Variants in INSR observed in about 807,000 individuals in gnomAD.
INSR encodes the protein insulin receptor.
A neutral mutation model predicts 142.6 loss-of-function variants in INSR; 67 were observed. That is an observed-to-expected ratio of 0.47 (90% confidence interval 0.39 to 0.58). The LOEUF is 0.58. Among genes scored for constraint, INSR ranks in the 20% least tolerant of loss-of-function variants. INSR has a pLI of 0.00. For missense variants in INSR, 1,248 were observed against 1,833.2 expected (o/e 0.68, Z 5.83); for synonymous variants, 756 against 743.1 (o/e 1.02, Z -0.28).
intron 2 of INSR, among the ~76,000 whole-genome samples, chr19:7,200,103 G>C (rs1304374052): frequency 3.3e-5 from 5 of 152,038 alleles, no homozygotes; most frequent in Admixed American, 3.3e-4. Flanking sequence ...GACCAGAGAG[G>C]AAAGACAGGG....
intron 14 of INSR, among the ~76,000 whole-genome samples, chr19:7,129,960 A>C (rs1972736813): frequency 6.6e-6 from 1 of 152,170 alleles, no homozygotes; most frequent in Non-Finnish European, 1.5e-5. Context: ...GCTGGTCTCT[A>C]ATGCCTGTCC....
At chr19:7,286,907 T>C (rs1429266643) in intron 1 of INSR, among the ~76,000 whole-genome samples, 5 of 151,620 alleles carry the variant, frequency 3.3e-5, no homozygotes, top group Admixed American at 6.6e-5. Context: ...AGTGCAGTGG[T>C]ACAATCACAG....
At chr19:7,176,822 G>A (rs138009971) in intron 3 of INSR, among the ~76,000 whole-genome samples, 20 of 152,254 alleles carry the variant, frequency 1.3e-4, no homozygotes, top group Non-Finnish European at 2.1e-4. Context: ...CTTTATAGCA[G>A]TGCAGAAATG....
At chr19:7,206,263 GCTCA>G (rs1975102646) in intron 2 of INSR, among the ~76,000 whole-genome samples, 5 of 152,052 alleles carry the variant, frequency 3.3e-5, no homozygotes, top group Admixed American at 3.3e-4. Flanking sequence ...TACCTCTTGG[GCTCA>G]CTCAATCTTC....
chr19:7,214,869 CTCCT>C (rs372956997), intron 2 of INSR, among the ~76,000 whole-genome samples: 30 of 144,472 alleles, frequency 2.1e-4, no homozygotes, highest in East Asian at 8.1e-4. Flanking sequence ...CCGTCCCCAC[CTCCT>C]TCCTTCCTTC....
In INSR at chr19:7,128,133, T is replaced by C. The variant is rs57724400; in HGVS notation, c.2945+719A>G. Among the ~76,000 whole-genome samples the C allele has an allele frequency of 2.6e-3, 395 of 152,288 alleles. 12 individuals carry two copies. The East Asian group carries it at 0.062, about 24-fold the overall frequency. On this transcript the variant is annotated intron_variant, in intron 15 of 21. Transcript: ENST00000302850. ...TGTGGCACAAAATGTTCTTCTGATA[T>C]TTAAAAATTACCATCTGACTCAGCA... is the stretch of plus-strand genomic sequence containing the variant.
chr19:7,132,291 C>T lies in INSR; in HGVS notation c.2709G>A (p.Lys903=), dbSNP rs748293077. 2 of 1,614,168 alleles carry T rather than the reference C, an allele frequency of 1.2e-6. No homozygotes were observed. Among genetic ancestry groups the T allele is most frequent in the Non-Finnish European group, 8.5e-7 (1 of 1,180,036 alleles). The change falls in exon 14 of 22, where the codon AAG becomes AAA. Residue 903 remains lysine, a synonymous_variant. Coordinates refer to ENST00000302850, the MANE Select transcript of INSR (RefSeq NM_000208.4). ...DEELHLCVSR[K]HFALERGCRL... Reference sequence around the variant, plus strand: ...TGCAGCCCCGTTCCAGAGCGAAGTGCTTGCGGGAGACGCAGAGATGCAGCT... The same window carrying T: ...TGCAGCCCCGTTCCAGAGCGAAGTGTTTGCGGGAGACGCAGAGATGCAGCT...
In INSR at chr19:7,159,383, G is replaced by T. The variant is rs952641596; in HGVS notation, c.2029+3649C>A. Reference sequence around the variant, plus strand: ...TTCTACTTTCTGTCTCTATGAATCTGAGGACTCTAGGGACCTCCTAGGAGT... The same window carrying T: ...TTCTACTTTCTGTCTCTATGAATCTTAGGACTCTAGGGACCTCCTAGGAGT... On this transcript the variant is annotated intron_variant, in intron 9 of 21. Coordinates refer to ENST00000302850, the MANE Select transcript of INSR (RefSeq NM_000208.4). This position sits in a 1 kb window ranked among gnomAD's most constrained non-coding sequence, Gnocchi z 4.3. 6.6e-6 allele frequency: 1 copy of T among 152,126 alleles called. No individual in the cohort carries two copies. Among genetic ancestry groups the T allele is most frequent in the African/African-American group, 2.4e-5 (1 of 41,418 alleles). 9.4% of individuals were successfully genotyped at this position (152,126 alleles called of 1,614,324 possible). A position where few individuals can be genotyped will look rare whatever the true frequency, so the allele number is the denominator to read the frequency against.
chr19:7,198,598 G>T (rs1023104673), intron 2 of INSR, among the ~76,000 whole-genome samples: 1 of 152,088 alleles, frequency 6.6e-6, no homozygotes, highest in African/African-American at 2.4e-5. Flanking sequence ...CCAGAAAGGT[G>T]CAGCGGCTCA....
intron 2 of INSR, among the ~76,000 whole-genome samples, chr19:7,226,590 C>T (rs1051619844): frequency 4.0e-5 from 6 of 151,388 alleles, no homozygotes; most frequent in Admixed American, 1.3e-4. Context: ...TAGCCAGGTG[C>T]GATGGTGTAC....
At chr19:7,137,595 C>A (rs965982988) in intron 13 of INSR, among the ~76,000 whole-genome samples, 1 of 152,004 alleles carries the variant, frequency 6.6e-6, no homozygotes, top group Non-Finnish European at 1.5e-5. Flanking sequence ...CGAGACCAGC[C>A]AGGCCAACAT....
chr19:7,281,445 C>T (rs1045961314), intron 1 of INSR, among the ~76,000 whole-genome samples: 15 of 151,912 alleles, frequency 9.9e-5, no homozygotes, highest in African/African-American at 3.6e-4. Context: ...GAGGCTGAGG[C>T]GGGACGATCA....
chr19:7,199,607 T>C (rs891454713), intron 2 of INSR, among the ~76,000 whole-genome samples: 6 of 141,072 alleles, frequency 4.3e-5, no homozygotes, highest in African/African-American at 1.6e-4. Context: ...CTATGTTGCC[T>C]AGGCTGGTCT....
chr19:7,246,107 A>T (rs1048548621), intron 2 of INSR, among the ~76,000 whole-genome samples: 9 of 152,150 alleles, frequency 5.9e-5, no homozygotes, highest in African/African-American at 1.4e-4. Context: ...AGAGGTTTTT[A>T]AAAAAATGTT....
chr19:7,206,454 G>A (rs1457722882), intron 2 of INSR, among the ~76,000 whole-genome samples: 1 of 152,186 alleles, frequency 6.6e-6, no homozygotes, highest in African/African-American at 2.4e-5. Context: ...AGCGATGGAA[G>A]CTTCATCTGT....
At chr19:7,207,979 AAAAG>A (rs1202166145) in intron 2 of INSR, among the ~76,000 whole-genome samples, 1 of 151,824 alleles carries the variant, frequency 6.6e-6, no homozygotes, top group Non-Finnish European at 1.5e-5. Flanking sequence ...GCAAAGAAAG[AAAAG>A]AGTTACAAGG....
intron 9 of INSR, among the ~76,000 whole-genome samples, chr19:7,156,085 C>T (rs1182263366): frequency 4.8e-5 from 4 of 84,004 alleles, no homozygotes; most frequent in African/African-American, 1.9e-4. Context: ...TTTTTTGAGA[C>T]AGTCTTGCTC....
intron 2 of INSR, among the ~76,000 whole-genome samples, chr19:7,199,560 CTTTT>C (rs3084138): frequency 1.3e-5 from 1 of 78,688 alleles, no homozygotes. Flanking sequence ...ACTGCGACAG[CTTTT>C]TTTTTTTTTT....
At position 7,117,449 on chromosome 19, in the gene INSR, G is replaced by A. The variant is rs752159299; in HGVS notation, c.3795-39C>T. 1.2e-5 allele frequency: 18 copies of A among 1,488,364 alleles called. No individual in the cohort carries two copies. The Admixed American group carries it at 2.9e-4, about 24-fold the overall frequency. The allele number at this position is 1,488,364 out of a possible 1,614,324, so 92.2% of individuals were successfully genotyped here. ...GGACACGTCCTGGGTGAGTCTGGGG[G>A]CCCTGCCACGCATCCTCCCAAACCC... On this transcript the variant is annotated intron_variant, in intron 21 of 21. Coordinates refer to ENST00000302850, the MANE Select transcript of INSR (RefSeq NM_000208.4).
Sources: gnomAD v4.1 joint callset for allele counts (sites outside exome capture counted in the v4.1 genomes callset) on GRCh38, gnomAD v4.1.1 for gene constraint, Gnocchi (gnomAD v3.1) non-coding constraint, MANE v1.5 for transcripts, NCBI Gene and HGNC (gene_info 2026-07-23, HGNC 2026-07-21) for gene names.